The following ARHGAP15 variants were observed in gnomAD, a reference collection of about 807,000 sequenced individuals.
ARHGAP15 encodes the protein rho GTPase-activating protein 15.
ARHGAP15 carries 51 observed loss-of-function variants against 63.7 expected under a neutral mutation model. The observed-to-expected ratio is 0.80, with a 90% CI of 0.64 to 1.01. ARHGAP15 has a LOEUF of 1.01. Among genes scored for constraint, ARHGAP15 ranks in the 50% least tolerant of loss-of-function variants. The probability of loss-of-function intolerance (pLI) is 0.00; values close to 1 mark genes in which losing one functional copy is unlikely to be tolerated. For missense variants in ARHGAP15, 560 were observed against 564.6 expected, an observed-to-expected ratio of 0.99 and a Z score of 0.08; for synonymous variants, 191 against 193.8, an observed-to-expected ratio of 0.99 and a Z score of 0.12.
chr2:143,529,739 A>G (rs999027203), intron 10 of ARHGAP15, among the ~76,000 whole-genome samples: 1 of 152,176 alleles, frequency 6.6e-6, no homozygotes, highest in Non-Finnish European at 1.5e-5. Context: ...GAATATCACA[A>G]GAATCACCTT....
At chr2:143,180,129 T>G (rs2105067301) in intron 2 of ARHGAP15, among the ~76,000 whole-genome samples, 1 of 152,332 alleles carries the variant, frequency 6.6e-6, no homozygotes, top group Non-Finnish European at 1.5e-5. Flanking sequence ...TTGTGAAAGA[T>G]TTCTCTGTAG....
chr2:143,680,879 C>T (rs1683068993), intron 12 of ARHGAP15, among the ~76,000 whole-genome samples: 1 of 152,172 alleles, frequency 6.6e-6, no homozygotes, highest in African/African-American at 2.4e-5. Context: ...AACTGTGATC[C>T]TATCCTCCCA....
chr2:143,315,057 A>AT (rs1364831537), intron 6 of ARHGAP15, among the ~76,000 whole-genome samples: 1 of 152,178 alleles, frequency 6.6e-6, no homozygotes, highest in East Asian at 1.9e-4. Context: ...ATATGAATAC[A>AT]TTTTAGGGAG....
In ARHGAP15 at chr2:143,737,035, A is replaced by C. The variant is rs117186936; in HGVS notation, c.1245-30954A>C. Among the ~76,000 whole-genome samples, 42 of 152,390 alleles carry C rather than the reference A, an allele frequency of 2.8e-4. No homozygotes were observed. In the East Asian group the frequency reaches 6.2e-3, roughly 22 times the overall value. ...TTTACATAATATTTAATTAAATTAC[A>C]TAATTACAATAATAAGTACAACTGG... On this transcript the variant is annotated intron_variant, in intron 13 of 13. Coordinates refer to ENST00000295095, the MANE Select transcript of ARHGAP15 (RefSeq NM_018460.4).
At chr2:143,266,350 G>A (rs533701145) in intron 6 of ARHGAP15, among the ~76,000 whole-genome samples, 7 of 152,160 alleles carry the variant, frequency 4.6e-5, no homozygotes, top group Non-Finnish European at 8.8e-5. Context: ...GATAGGAGAA[G>A]GTAGCTGAAA....
chr2:143,283,432 T>G (rs1426801755), intron 6 of ARHGAP15, among the ~76,000 whole-genome samples: 1 of 152,188 alleles, frequency 6.6e-6, no homozygotes, highest in African/African-American at 2.4e-5. Context: ...TTTGGATATT[T>G]AAATTAATTT....
intron 6 of ARHGAP15, among the ~76,000 whole-genome samples, chr2:143,259,729 T>C (rs1680623428): frequency 6.6e-6 from 1 of 152,168 alleles, no homozygotes; most frequent in Non-Finnish European, 1.5e-5. Flanking sequence ...CCCTGTCTTG[T>C]CGTGGAATGG....
intron 6 of ARHGAP15, among the ~76,000 whole-genome samples, chr2:143,413,092 ATTTG>A (rs1282281964): frequency 1.1e-4 from 16 of 152,120 alleles, no homozygotes; most frequent in Admixed American, 1.0e-3. Flanking sequence ...CAAATTCTCT[ATTTG>A]TTGTCAATTG....
chr2:143,372,790 A>C (rs756867956), intron 6 of ARHGAP15, among the ~76,000 whole-genome samples: 3 of 152,158 alleles, frequency 2.0e-5, no homozygotes, highest in Admixed American at 6.5e-5. Context: ...CATGTATTAA[A>C]TTCCTGTCAT....
chr2:143,262,083 T>C (rs555604829), intron 6 of ARHGAP15, among the ~76,000 whole-genome samples: 1 of 152,108 alleles, frequency 6.6e-6, no homozygotes, highest in Non-Finnish European at 1.5e-5. Flanking sequence ...CAGCAGATAG[T>C]AAAAGATGTG....
At position 143,693,421 on chromosome 2, in the gene ARHGAP15, C is replaced by G. The variant is rs755384292; in HGVS notation, c.1139-9998C>G. Reference sequence around the variant, plus strand: ...CTAAATGCAAAAATGGCAAAGAATTCTACTCCCTCTTCATTATAAAAGTAC... The same window carrying G: ...CTAAATGCAAAAATGGCAAAGAATTGTACTCCCTCTTCATTATAAAAGTAC... On this transcript the variant is annotated intron_variant, in intron 12 of 13. Coordinates refer to ENST00000295095, the MANE Select transcript of ARHGAP15 (RefSeq NM_018460.4). Among the ~76,000 whole-genome samples the G allele has an allele frequency of 4.3e-4, 66 of 152,294 alleles. 1 individual carries two copies. Among genetic ancestry groups the G allele is most frequent in the Admixed American group, 7.2e-4 (11 of 15,284 alleles).
chr2:143,536,750 C>T (rs1177686821), intron 10 of ARHGAP15, among the ~76,000 whole-genome samples: 2 of 151,764 alleles, frequency 1.3e-5, no homozygotes, highest in Admixed American at 6.6e-5. Context: ...ATATGTGCCA[C>T]ATTTTCTTAA....
intron 8 of ARHGAP15, among the ~76,000 whole-genome samples, chr2:143,477,212 GCACA>G (rs10526603): frequency 1.4e-4 from 21 of 149,764 alleles, no homozygotes; most frequent in Non-Finnish European, 2.2e-4. Context: ...ACACACTCGC[GCACA>G]CACACACACA....
At chr2:143,174,334 C>T (rs1430714314) in intron 2 of ARHGAP15, among the ~76,000 whole-genome samples, 1 of 152,060 alleles carries the variant, frequency 6.6e-6, no homozygotes, top group Admixed American at 6.6e-5. Flanking sequence ...GCTTAATAGT[C>T]ACAAAAAGCT....
intron 10 of ARHGAP15, among the ~76,000 whole-genome samples, chr2:143,554,417 T>C (rs1279385589): frequency 1.3e-5 from 2 of 152,134 alleles, no homozygotes; most frequent in African/African-American, 4.8e-5. Context: ...CATGCCATTA[T>C]GAACATTTTT....
rs544527494 is a variant in ARHGAP15, at chr2:143,205,912, C to T, written c.234+3710C>T. On this transcript the variant is annotated intron_variant, in intron 3 of 13. Transcript: ENST00000295095. ...AGCCTTGAAATGCTTCTGACCTTAT[C>T]ATACCCTATCATCCCCCCCACTGAT... Among the ~76,000 whole-genome samples, 119 of 152,208 alleles carry T rather than the reference C, an allele frequency of 7.8e-4. 1 individual carries two copies. Among genetic ancestry groups the T allele is most frequent in the African/African-American group, 2.8e-3 (116 of 41,562 alleles).
chr2:143,137,264 C>T (rs989611953), intron 1 of ARHGAP15, among the ~76,000 whole-genome samples: 1 of 151,904 alleles, frequency 6.6e-6, no homozygotes, highest in Non-Finnish European at 1.5e-5. Context: ...CCTCGCCTGT[C>T]TTTTTACTGC....
chr2:143,690,847 C>T (rs1046246500), intron 12 of ARHGAP15, among the ~76,000 whole-genome samples: 3 of 152,034 alleles, frequency 2.0e-5, no homozygotes, highest in Non-Finnish European at 4.4e-5. Context: ...CATACCAAAA[C>T]TGAGTCTCAA....
chr2:143,216,547 A>G, intron 4 of ARHGAP15, 102 bp downstream of exon 4: 1 of 765,704 alleles, frequency 1.3e-6, no homozygotes, highest in Non-Finnish European at 2.2e-6. Flanking sequence ...CTATGGTACC[A>G]GACTAGAACA....
Sources: allele counts gnomAD v4.1 joint callset (sites outside exome capture counted in the v4.1 genomes callset), GRCh38; gene constraint gnomAD v4.1.1; transcripts MANE v1.5; gene names NCBI Gene and HGNC (gene_info 2026-07-23, HGNC 2026-07-21).